The following PMS1 variants were observed in gnomAD, a reference collection of about 807,000 sequenced individuals.
The protein encoded by PMS1 is PMS1 protein homolog 1.
Under a neutral mutation model 93.1 loss-of-function variants are expected in PMS1, and 79 were observed. That is an observed-to-expected ratio of 0.85 (90% CI 0.71 to 1.02). The LOEUF is 1.02. PMS1 is among the 50% of genes least tolerant of loss of function. The pLI is 0.00. For synonymous variants in PMS1, 335 were observed against 363.4 expected, an observed-to-expected ratio of 0.92 and a Z score of 0.89; for missense variants, 1,064 against 1,085.3, an observed-to-expected ratio of 0.98 and a Z score of 0.28.
intron 3 of PMS1, 44 bp downstream of exon 3, chr2:189,795,995 G>T: frequency 1.6e-6 from 2 of 1,245,618 alleles, no homozygotes; most frequent in South Asian, 2.4e-5. Context: ...CATATTCACT[G>T]AACATTACAG....
chr2:189,810,287 A>G (rs1261634111), intron 4 of PMS1, among the ~76,000 whole-genome samples: 1 of 152,230 alleles, frequency 6.6e-6, no homozygotes, highest in African/African-American at 2.4e-5. Flanking sequence ...AATGAGGGGA[A>G]AAAACATAAT....
chr2:189,867,996 G>A, intron 11 of PMS1, 67 bp downstream of exon 11: 2 of 1,331,620 alleles, frequency 1.5e-6, no homozygotes, highest in Non-Finnish European at 2.2e-6. Flanking sequence ...GTTACATTTG[G>A]GTTTCATGAT....
Position 189,877,497 on chromosome 2 carries a change from G to A in PMS1, c.*61G>A. The A allele has an allele frequency of 8.8e-7, 1 of 1,131,962 alleles. No individual in the cohort carries two copies. The highest frequency in any genetic ancestry group is 1.3e-5 in the South Asian group (1 of 78,526). 70.1% of individuals were successfully genotyped at this position (1,131,962 alleles called of 1,614,324 possible). On this transcript the variant is annotated 3_prime_UTR_variant, in exon 13 of 13. Transcript: ENST00000441310. ...TTGGTTCTGTCATAAAACAGCATGA[G>A]TCTGGTTTTAAATTATCTTTGTATT...
rs151094794 is a variant in PMS1, at chr2:189,815,777, A to G, written c.419-2240A>G. ...TGTTAGGCCTTCTCAGACTTACATT[A>G]TATCTCATGAATCTTTATTTAAGTT... On this transcript the variant is annotated intron_variant, in intron 4 of 12. Coordinates refer to ENST00000441310, the MANE Select transcript of PMS1 (RefSeq NM_000534.5). 9.2e-5 allele frequency among the ~76,000 whole-genome samples: 14 copies of G among 152,298 alleles called. No individual in the cohort carries two copies. The East Asian group carries it at 2.1e-3, about 23-fold the overall frequency.
chr2:189,821,284 GTC>G (rs1233610807), intron 5 of PMS1, among the ~76,000 whole-genome samples: 1 of 151,028 alleles, frequency 6.6e-6, no homozygotes, highest in Non-Finnish European at 1.5e-5. Context: ...GTGAAACCCT[GTC>G]TCTACTAAAA....
rs146515816 is a variant in PMS1, at chr2:189,805,663, A to G, written c.327A>G (p.Thr109=). The change falls in exon 4 of 13, where the codon ACA becomes ACG. Residue 109 remains threonine (T), a synonymous_variant. Coordinates refer to ENST00000441310, the MANE Select transcript of PMS1 (RefSeq NM_000534.5). ...SICCIAEVLI[T]TRTAADNFST... Reference sequence around the variant, plus strand: ...TTTTTTTCCCCCAGGTTTTAATTACAACAAGAACGGCTGCTGATAATTTTA... The same window carrying G: ...TTTTTTTCCCCCAGGTTTTAATTACGACAAGAACGGCTGCTGATAATTTTA... 8 of 1,613,752 alleles carry G rather than the reference A, an allele frequency of 5.0e-6. No homozygotes were observed. The highest frequency in any genetic ancestry group is 6.8e-6 in the Non-Finnish European group (8 of 1,179,758).
At chr2:189,790,145 A>G (rs2048720231) in intron 1 of PMS1, among the ~76,000 whole-genome samples, 2 of 152,204 alleles carry the variant, frequency 1.3e-5, no homozygotes, top group Non-Finnish European at 1.5e-5. Context: ...GAGGATAGTT[A>G]TCTGACATGT....
At chr2:189,865,037 ATTAGT>A (rs1229749468) in intron 10 of PMS1, among the ~76,000 whole-genome samples, 2 of 151,774 alleles carry the variant, frequency 1.3e-5, no homozygotes, top group Non-Finnish European at 2.9e-5. Flanking sequence ...CCTTCGCAAA[ATTAGT>A]TTAGAACAAT....
chr2:189,873,372 C>A, intron 11 of PMS1, 124 bp from the exon 12 acceptor site: 1 of 668,362 alleles, frequency 1.5e-6, no homozygotes, highest in Non-Finnish European at 2.6e-6. Flanking sequence ...AGGAACAAAA[C>A]TTTGTCCTGA....
chr2:189,791,760 A>G (rs566180396), intron 1 of PMS1, 30 bp from the exon 2 acceptor site: 16 of 1,580,276 alleles, frequency 1.0e-5, no homozygotes, highest in Middle Eastern at 1.8e-4. Flanking sequence ...ATGCTTAACA[A>G]TTCTTACAAG....
In PMS1 at chr2:189,854,211, C is replaced by T. The variant is rs780587232; in HGVS notation, c.967-28C>T. 3.7e-5 allele frequency: 56 copies of T among 1,526,296 alleles called. No individual in the cohort carries two copies. In the Admixed American group the frequency reaches 1.0e-3, roughly 28 times the overall value. 94.5% of individuals were successfully genotyped at this position (1,526,296 alleles called of 1,614,324 possible). A position where few individuals can be genotyped will look rare whatever the true frequency, so the allele number is the denominator to read the frequency against. On this transcript the variant is annotated intron_variant, in intron 8 of 12. Transcript: ENST00000441310. ...CTTGTCTATTATTTTCATAATTTCC[C>T]CTAACATTTGTTAATTTGTATTTTT...
intron 4 of PMS1, among the ~76,000 whole-genome samples, chr2:189,808,553 A>T (rs952937730): frequency 2.7e-4 from 41 of 151,736 alleles, no homozygotes; most frequent in Admixed American, 2.6e-3. Flanking sequence ...CTGGTCTCGA[A>T]CTCCTGACCT....
chr2:189,859,980 A>G (rs901339872), intron 9 of PMS1, among the ~76,000 whole-genome samples: 1 of 151,462 alleles, frequency 6.6e-6, no homozygotes, highest in African/African-American at 2.4e-5. Context: ...GTTAAAGCAG[A>G]TATATAAGGA....
chr2:189,832,157 T>C (rs931213944), intron 5 of PMS1, among the ~76,000 whole-genome samples: 8 of 152,216 alleles, frequency 5.3e-5, no homozygotes, highest in Admixed American at 6.5e-5. Context: ...GGGAGTGTTA[T>C]AAGCTCAGTG....
intron 3 of PMS1, among the ~76,000 whole-genome samples, chr2:189,800,418 C>T (rs1162215107): frequency 6.6e-6 from 1 of 151,976 alleles, no homozygotes; most frequent in African/African-American, 2.4e-5. Context: ...TATGTGAGGA[C>T]TGTGAATAGT....
chr2:189,827,938 G>GTTTT lies in PMS1; in HGVS notation c.582+9761_582+9762insTTTT, dbSNP rs1553569738. 6.7e-3 allele frequency among the ~76,000 whole-genome samples: 1,022 copies of GTTTT among 151,936 alleles called. 10 individuals are homozygous for GTTTT. Among genetic ancestry groups the GTTTT allele is most frequent in the African/African-American group, 0.024 (990 of 41,432 alleles). On this transcript the variant is annotated intron_variant, in intron 5 of 12. Transcript: ENST00000441310. ...GTTTTGTTTGTTTGTTTGTTTGTTT[G>GTTTT]TTTGAGACAGAGTCTTGCTCTGTCA... is the stretch of plus-strand genomic sequence containing the variant.
Position 189,795,811 on chromosome 2 carries a change from G to C in PMS1, c.175G>C (p.Glu59Gln). Residue 59 changes from glutamate (E) to glutamine (Q), a missense_variant, in exon 3 of 13, where the codon GAG becomes CAG. By Grantham distance (29) the Glu-to-Gln change is conservative. Coordinates refer to ENST00000441310, the MANE Select transcript of PMS1 (RefSeq NM_000534.5). Reference sequence around the variant, plus strand: ...TAAAATTGAGGTGCGAGATAACGGGGAGGGTATCAAGGCTGTTGATGCACC... The same window carrying C: ...TAAAATTGAGGTGCGAGATAACGGGCAGGGTATCAAGGCTGTTGATGCACC... ...FDKIEVRDNG[E>Q]GIKAVDAPVM... 1 of 1,613,906 alleles carries C rather than the reference G, an allele frequency of 6.2e-7. No homozygotes were observed. The highest frequency in any genetic ancestry group is 8.5e-7 in the Non-Finnish European group (1 of 1,179,796).
chr2:189,791,710 C>A, intron 1 of PMS1, 80 bp from the exon 2 acceptor site: 2 of 941,442 alleles, frequency 2.1e-6, no homozygotes, highest in Non-Finnish European at 3.4e-6. Flanking sequence ...GATCTATTTT[C>A]ATCTGTCATT....
At chr2:189,870,837 G>T (rs2057085581) in intron 11 of PMS1, among the ~76,000 whole-genome samples, 1 of 152,132 alleles carries the variant, frequency 6.6e-6, no homozygotes, top group Non-Finnish European at 1.5e-5. Context: ...ACAGTTTTGA[G>T]TTTCATTTAC....
Sources: allele counts gnomAD v4.1 joint callset (sites outside exome capture counted in the v4.1 genomes callset), GRCh38; gene constraint gnomAD v4.1.1; transcripts MANE v1.5; gene names NCBI Gene and HGNC (gene_info 2026-07-23, HGNC 2026-07-21).